RBM6: variants seen among roughly 807,000 people sequenced by gnomAD.
The protein encoded by RBM6 is RNA-binding protein 6.
RBM6 carries 23 observed loss-of-function variants against 140.4 expected under a neutral mutation model. The observed-to-expected ratio is 0.16, with a 90% CI of 0.12 to 0.23. The LOEUF (loss-of-function observed/expected upper bound fraction) is 0.23, where lower values mean the gene tolerates loss of function less well. Ranked by LOEUF, RBM6 falls within the 10% of genes least tolerant of loss-of-function variation. The pLI, the probability that RBM6 is intolerant of heterozygous loss-of-function variation, is 1.00. For synonymous variants in RBM6, 439 were observed against 475.6 expected, an observed-to-expected ratio of 0.92 and a Z score of 1.00; for missense variants, 1,139 against 1,386.7, an observed-to-expected ratio of 0.82 and a Z score of 2.84.
Position 49,958,928 on chromosome 3 carries a change from T to A in RBM6, c.-66-3648T>A, listed in dbSNP as rs1575547734. 3.3e-5 allele frequency among the ~76,000 whole-genome samples: 5 copies of A among 151,748 alleles called. No homozygotes were observed. The South Asian group carries it at 1.0e-3, about 32-fold the overall frequency. On this transcript the variant is annotated intron_variant, in intron 1 of 20. Transcript: ENST00000266022. ...CTCCTGCCTCAGCCTCCTGACTAGC[T>A]GGGATTAGGGGTGCCTGCTACTGCA...
chr3:50,049,057 C>G (rs1321105188), intron 7 of RBM6, among the ~76,000 whole-genome samples: 1 of 151,324 alleles, frequency 6.6e-6, no homozygotes, highest in Non-Finnish European at 1.5e-5. Flanking sequence ...CTGCCTCAGC[C>G]TCCCAAAGTG....
intron 1 of RBM6, chr3:49,940,460 C>G (rs1255565701): frequency 6.5e-6 from 1 of 154,474 alleles, no homozygotes; most frequent in Non-Finnish European, 1.5e-5. Context: ...CCCGGCGCGG[C>G]AGTAGATTAC....
intron 5 of RBM6, among the ~76,000 whole-genome samples, chr3:49,992,231 C>T (rs947126709): frequency 9.2e-5 from 14 of 152,128 alleles, no homozygotes; most frequent in African/African-American, 3.1e-4. Context: ...GGATTACGGG[C>T]GTGAGCCACT....
chr3:50,033,350 TC>T (rs1421845151), intron 6 of RBM6, among the ~76,000 whole-genome samples: 2 of 152,132 alleles, frequency 1.3e-5, no homozygotes, highest in Non-Finnish European at 2.9e-5. Flanking sequence ...AGTGGTATGA[TC>T]CGTAGTTCAC....
In RBM6 at chr3:50,035,766, A is replaced by AT. The variant is rs113626049; in HGVS notation, c.1558-12467dup. ...CCTTTTTATGATTTTATTTAAAAAAATTTTTTTTTTTTGAGACAGAGTCTC... is the reference window on the plus strand; with the variant it reads ...CCTTTTTATGATTTTATTTAAAAAAATTTTTTTTTTTTTGAGACAGAGTCTC... On this transcript the variant is annotated intron_variant, in intron 6 of 20. Transcript: ENST00000266022. Among the ~76,000 whole-genome samples, 861 of 147,620 alleles carry AT rather than the reference A, an allele frequency of 5.8e-3. 10 individuals carry two copies. Among genetic ancestry groups the AT allele is most frequent in the African/African-American group, 0.019 (754 of 40,604 alleles).
At chr3:49,963,902 T>C (rs2084394579) in intron 2 of RBM6, among the ~76,000 whole-genome samples, 1 of 152,038 alleles carries the variant, frequency 6.6e-6, no homozygotes, top group Non-Finnish European at 1.5e-5. Flanking sequence ...TACATTTTCC[T>C]TTTTTTACCT....
chr3:50,038,526 G>A (rs2088677740), intron 6 of RBM6, among the ~76,000 whole-genome samples: 1 of 152,102 alleles, frequency 6.6e-6, no homozygotes, highest in African/African-American at 2.4e-5. Context: ...GAATATAAAA[G>A]TGTTATAGAA....
At chr3:50,040,463 AAAAAAAAAATAT>A (rs1298500432) in intron 6 of RBM6, among the ~76,000 whole-genome samples, 63 of 51,536 alleles carry the variant, frequency 1.2e-3, no homozygotes, top group East Asian at 3.5e-3. Flanking sequence ...AAAAAAAAAA[AAAAAAAAAATAT>A]ATATATATAT....
At chr3:50,014,891 A>G (rs1324112317) in intron 6 of RBM6, among the ~76,000 whole-genome samples, 3 of 151,826 alleles carry the variant, frequency 2.0e-5, no homozygotes, top group Non-Finnish European at 4.4e-5. Context: ...TGAAAAAACA[A>G]TACAAAAATT....
intron 6 of RBM6, among the ~76,000 whole-genome samples, chr3:50,021,216 G>A (rs1345357344): frequency 6.6e-6 from 1 of 152,076 alleles, no homozygotes; most frequent in Non-Finnish European, 1.5e-5. Context: ...TTATTTTGAT[G>A]CGTATCCTTC....
chr3:49,955,302 T>G (rs1316728382), intron 1 of RBM6, among the ~76,000 whole-genome samples: 6 of 149,660 alleles, frequency 4.0e-5, no homozygotes, highest in African/African-American at 7.4e-5. Context: ...TCTGCAGTAT[T>G]TGGGACTACA....
intron 2 of RBM6, among the ~76,000 whole-genome samples, chr3:49,966,611 T>C (rs2108629431): frequency 6.6e-6 from 1 of 152,316 alleles, no homozygotes; most frequent in African/African-American, 2.4e-5. Flanking sequence ...GCATGAGACA[T>C]TGGAATATGG....
At position 50,070,438 on chromosome 3, in the gene RBM6, C is replaced by T. The variant is rs369468966; in HGVS notation, c.3019-17C>T. On this transcript the variant is annotated splice_polypyrimidine_tract_variant and intron_variant, in intron 18 of 20. Coordinates refer to ENST00000266022, the MANE Select transcript of RBM6 (RefSeq NM_005777.3). ...CTCAGGTGGCAATCTCAGGTCTGCT[C>T]TTCTGCTTACCAACAGGGAAAGTTT... 30 of 1,600,460 alleles carry T rather than the reference C, an allele frequency of 1.9e-5. No individual in the cohort carries two copies. The highest frequency in any genetic ancestry group is 1.3e-4 in the African/African-American group (10 of 74,612).
At chr3:49,954,688 T>C (rs1420821842) in intron 1 of RBM6, among the ~76,000 whole-genome samples, 2 of 152,102 alleles carry the variant, frequency 1.3e-5, no homozygotes, top group Non-Finnish European at 2.9e-5. Flanking sequence ...AATTGGGAAG[T>C]GTCAGTCCTC....
At chr3:50,025,176 G>A (rs906048663) in intron 6 of RBM6, among the ~76,000 whole-genome samples, 3 of 151,674 alleles carry the variant, frequency 2.0e-5, no homozygotes, top group African/African-American at 4.8e-5. Context: ...TGTAATCCCA[G>A]TACTTTGGGA....
At chr3:49,953,063 T>TG (rs2083808180) in intron 1 of RBM6, among the ~76,000 whole-genome samples, 5 of 105,964 alleles carry the variant, frequency 4.7e-5, no homozygotes, top group Non-Finnish European at 1.0e-4. Flanking sequence ...TTTCTTCTTT[T>TG]CTTTTTTTTT....
intron 1 of RBM6, among the ~76,000 whole-genome samples, chr3:49,942,496 CAAA>C (rs34097467): frequency 7.0e-5 from 7 of 100,078 alleles, no homozygotes; most frequent in Non-Finnish European, 8.0e-5. Context: ...GACTCCATCT[CAAA>C]AAAAAAAAAA....
At chr3:50,048,757 CTATT>C (rs1282041436) in intron 7 of RBM6, among the ~76,000 whole-genome samples, 1 of 152,100 alleles carries the variant, frequency 6.6e-6, no homozygotes, top group African/African-American at 2.4e-5. Flanking sequence ...CATTTTACCT[CTATT>C]AAACTCCATA....
intron 6 of RBM6, among the ~76,000 whole-genome samples, chr3:50,024,585 C>A (rs540491602): frequency 6.6e-6 from 1 of 151,106 alleles, no homozygotes; most frequent in Non-Finnish European, 1.5e-5. Context: ...TGTGTAACTG[C>A]GATTTGTTCA....
Sources: gnomAD v4.1 joint callset for allele counts (sites outside exome capture counted in the v4.1 genomes callset) on GRCh38, gnomAD v4.1.1 for gene constraint, MANE v1.5 for transcripts, NCBI Gene and HGNC (gene_info 2026-07-23, HGNC 2026-07-21) for gene names.